The following SLC6A6 variants were observed in gnomAD, a reference collection of about 807,000 sequenced individuals.
SLC6A6 encodes solute carrier family 6 member 6.
In SLC6A6, 16 loss-of-function variants were observed where a neutral mutation model predicts 68.8. The observed-to-expected ratio is 0.23, with a 90% CI of 0.16 to 0.35. The LOEUF (loss-of-function observed/expected upper bound fraction) is 0.35. Ranked by LOEUF, SLC6A6 falls within the 10% of genes least tolerant of loss-of-function variation. The pLI is 1.00. For missense variants in SLC6A6, 474 were observed against 802.8 expected (o/e 0.59, Z 4.95); for synonymous variants, 312 against 315.4 (o/e 0.99, Z 0.12).
At chr3:14,474,061 AG>A (rs1203861509) in intron 10 of SLC6A6, among the ~76,000 whole-genome samples, 1 of 152,222 alleles carries the variant, frequency 6.6e-6, no homozygotes, top group Non-Finnish European at 1.5e-5. Flanking sequence ...CCTACTTTGC[AG>A]AGCGAGGAAC....
chr3:14,417,574 C>T (rs529758838), intron 2 of SLC6A6, among the ~76,000 whole-genome samples: 5,771 of 152,118 alleles, frequency 0.038, 262 homozygotes, highest in African/African-American at 0.11. Flanking sequence ...TACTAAAAAA[C>T]ACAAAAAATT....
intron 2 of SLC6A6, among the ~76,000 whole-genome samples, chr3:14,437,068 C>T (rs1427427256): frequency 6.6e-6 from 1 of 152,116 alleles, no homozygotes; most frequent in African/African-American, 2.4e-5. Flanking sequence ...TCATGTGTGA[C>T]TGTGGACAAG....
At chr3:14,452,394 C>T (rs769326205) in intron 5 of SLC6A6, among the ~76,000 whole-genome samples, 3 of 152,228 alleles carry the variant, frequency 2.0e-5, no homozygotes, top group East Asian at 3.8e-4. Flanking sequence ...GGGACACTGA[C>T]GATGCAAGAC....
At chr3:14,456,221 G>A (rs151103649) in intron 5 of SLC6A6, among the ~76,000 whole-genome samples, 2 of 152,314 alleles carry the variant, frequency 1.3e-5, no homozygotes, top group African/African-American at 2.4e-5. Flanking sequence ...CTTTTATTTC[G>A]TCCATCAGCA....
At chr3:14,423,719 A>G (rs1223708149) in intron 2 of SLC6A6, among the ~76,000 whole-genome samples, 2 of 152,180 alleles carry the variant, frequency 1.3e-5, no homozygotes, top group Admixed American at 6.5e-5. Flanking sequence ...AATGGGCCCT[A>G]TGATAACTAC....
At chr3:14,445,930 A>T (rs1047218910) in intron 4 of SLC6A6, 79 bp downstream of exon 4, 4 of 1,470,652 alleles carry the variant, frequency 2.7e-6, no homozygotes, top group Non-Finnish European at 2.8e-6. Flanking sequence ...ATTGTCTGCC[A>T]GGTCCATTGG....
chr3:14,486,094 GACTA>G lies in SLC6A6; in HGVS notation c.*1088_*1091del, dbSNP rs1402716587. On this transcript the variant is annotated 3_prime_UTR_variant, in exon 15 of 15. Transcript: ENST00000622186. ...ATGAAGCATGACATACCTGTTGAGG[GACTA>G]GGGGAGTGGTGGGGAGGTGAGTGGA... The G allele has an allele frequency of 3.3e-5, 5 of 152,694 alleles. No individual in the cohort carries two copies. The highest frequency in any genetic ancestry group is 7.3e-5 in the Non-Finnish European group (5 of 68,080). 9.5% of individuals were successfully genotyped at this position (152,694 alleles called of 1,614,324 possible).
chr3:14,407,128 C>CA (rs1699127768), intron 1 of SLC6A6, among the ~76,000 whole-genome samples: 1 of 151,794 alleles, frequency 6.6e-6, no homozygotes, highest in South Asian at 2.1e-4. Flanking sequence ...CAGTTCACTG[C>CA]AGCCTCGATC....
At chr3:14,421,423 T>C (rs1407453002) in intron 2 of SLC6A6, among the ~76,000 whole-genome samples, 1 of 152,180 alleles carries the variant, frequency 6.6e-6, no homozygotes, top group Non-Finnish European at 1.5e-5. Context: ...TGGGCTTCAG[T>C]GTCCTCTGTC....
At chr3:14,473,628 A>G (rs983476089) in intron 10 of SLC6A6, among the ~76,000 whole-genome samples, 2 of 152,196 alleles carry the variant, frequency 1.3e-5, no homozygotes, top group African/African-American at 4.8e-5. Flanking sequence ...GATTTGGCAG[A>G]GAAGGGGGCA....
chr3:14,479,577 G>A (rs1015120705), intron 13 of SLC6A6, among the ~76,000 whole-genome samples: 1 of 152,140 alleles, frequency 6.6e-6, no homozygotes, highest in Non-Finnish European at 1.5e-5. Context: ...AAGTAGAGGG[G>A]CCTTTGGGAT....
At chr3:14,410,999 T>G (rs550145746) in intron 1 of SLC6A6, 1 of 152,478 alleles carries the variant, frequency 6.6e-6, no homozygotes, top group African/African-American at 2.4e-5. Context: ...CATTCATTCC[T>G]TCAGAGATGA....
rs1047892250 is a variant in SLC6A6, at chr3:14,450,853, T to G, written c.599+3037T>G. Among the ~76,000 whole-genome samples the G allele has an allele frequency of 7.9e-5, 12 of 152,260 alleles. No homozygotes were observed. The highest frequency in any genetic ancestry group is 2.9e-4 in the African/African-American group (12 of 41,470). On this transcript the variant is annotated intron_variant, in intron 5 of 14. Coordinates refer to ENST00000622186, the MANE Select transcript of SLC6A6 (RefSeq NM_003043.6). This position sits in a 1 kb window ranked among gnomAD's most constrained non-coding sequence, Gnocchi z 4.1. ...ACCAGTAGGGAATAGTTGACTCCTG[T>G]GAGCATAGTACTAGGAACTTGCCCC...
intron 2 of SLC6A6, among the ~76,000 whole-genome samples, chr3:14,433,309 C>T (rs536797781): frequency 1.3e-5 from 2 of 152,318 alleles, no homozygotes; most frequent in South Asian, 4.1e-4. Flanking sequence ...GACCCTGTTC[C>T]TTTCAAAGCA....
At chr3:14,478,383 A>G (rs1338057404) in intron 11 of SLC6A6, 83 bp from the exon 12 acceptor site, 4 of 788,616 alleles carry the variant, frequency 5.1e-6, no homozygotes, top group African/African-American at 1.7e-5. Context: ...TTTTAATCTT[A>G]TTGATATGCC....
intron 1 of SLC6A6, among the ~76,000 whole-genome samples, chr3:14,412,794 C>T (rs1414111165): frequency 6.6e-6 from 1 of 152,246 alleles, no homozygotes; most frequent in Non-Finnish European, 1.5e-5. Context: ...AAAGCCAGAT[C>T]CTGTGCTTCG....
chr3:14,441,195 A>G (rs1361176696), intron 2 of SLC6A6, among the ~76,000 whole-genome samples: 1 of 152,048 alleles, frequency 6.6e-6, no homozygotes, highest in Non-Finnish European at 1.5e-5. Context: ...GACTTGGCCC[A>G]TCCCAGCTGC....
At chr3:14,410,928 C>A (rs985672417) in intron 1 of SLC6A6, 1 of 152,248 alleles carries the variant, frequency 6.6e-6, no homozygotes, top group Non-Finnish European at 1.5e-5. Context: ...TAAGGGACAT[C>A]CTCTCTTGCC....
In SLC6A6 at chr3:14,488,952, C is replaced by T. The variant is rs757145298; in HGVS notation, c.*3945C>T. The T allele has an allele frequency of 6.6e-6, 1 of 152,374 alleles. No individual in the cohort carries two copies. Among genetic ancestry groups the T allele is most frequent in the Non-Finnish European group, 1.5e-5 (1 of 68,030 alleles). 9.4% of individuals were successfully genotyped at this position (152,374 alleles called of 1,614,324 possible). A position where few individuals can be genotyped will look rare whatever the true frequency, so the allele number is the denominator to read the frequency against. ...CAATTAATCTCCCAATCCCTAGCAA[C>T]TGTGACTCTGTATTTAGCACAAGAG... On this transcript the variant is annotated 3_prime_UTR_variant, in exon 15 of 15. Coordinates refer to ENST00000622186, the MANE Select transcript of SLC6A6 (RefSeq NM_003043.6).
Sources: allele counts gnomAD v4.1 joint callset (sites outside exome capture counted in the v4.1 genomes callset), GRCh38; gene constraint gnomAD v4.1.1; non-coding constraint Gnocchi (gnomAD v3.1); transcripts MANE v1.5; gene names NCBI Gene and HGNC (gene_info 2026-07-23, HGNC 2026-07-21).